The following CENPK variants were observed in gnomAD, a reference collection of about 807,000 sequenced individuals.
CENPK encodes the protein SoxLZ/Sox6-binding protein Solt.
A neutral mutation model predicts 40.9 loss-of-function variants in CENPK; 46 were observed. The observed-to-expected ratio is 1.13, with a 90% CI of 0.89 to 1.44. CENPK has a LOEUF of 1.44. Among genes scored for constraint, CENPK ranks in the 40% most tolerant of loss-of-function variants. The pLI is 0.00. For missense variants in CENPK, 288 were observed against 303.5 expected, an observed-to-expected ratio of 0.95 and a Z score of 0.38; for synonymous variants, 107 against 104.4, an observed-to-expected ratio of 1.02 and a Z score of -0.15.
chr5:65,512,823 G>A (rs1209142856), downstream of CENPK, among the ~76,000 whole-genome samples: 1 of 152,116 alleles, frequency 6.6e-6, no homozygotes, highest in African/African-American at 2.4e-5. Flanking sequence ...CTATGTTCCT[G>A]TTGCTCCACA....
At chr5:65,560,081 C>T (rs1477000092) in intron 2 of CENPK, among the ~76,000 whole-genome samples, 1 of 151,870 alleles carries the variant, frequency 6.6e-6, no homozygotes, top group African/African-American at 2.4e-5. Context: ...AACACAGAAA[C>T]TTTTAAAATC....
At chr5:65,547,748 C>T (rs1389998846) in intron 5 of CENPK, among the ~76,000 whole-genome samples, 1 of 152,008 alleles carries the variant, frequency 6.6e-6, no homozygotes, top group African/African-American at 2.4e-5. Context: ...CACAGCAAGC[C>T]CTGCCTCCTT....
chr5:65,519,801 T>C (rs1743388992), intron 10 of CENPK, among the ~76,000 whole-genome samples: 1 of 152,356 alleles, frequency 6.6e-6, no homozygotes, highest in Non-Finnish European at 1.5e-5. Flanking sequence ...TTGAGTATCA[T>C]AATATAGAAT....
Position 65,518,604 on chromosome 5 carries a change from T to G in CENPK, c.681A>C (p.Pro227=). The part of the protein sequence containing the change: ...EILINRLFDV[P]HDPYVKISDS... ...CACTAATTTTGACATATGGATCATG[T>G]GGAACATCAAATAATCTATTTATAA... The change falls in exon 11 of 11, where the codon CCA becomes CCC. Residue 227 remains proline (P), a synonymous_variant. Transcript: ENST00000396679. The G allele has an allele frequency of 1.3e-6, 2 of 1,591,408 alleles. No homozygotes were observed. The highest frequency in any genetic ancestry group is 1.7e-6 in the Non-Finnish European group (2 of 1,162,344).
chr5:65,499,070 G>A, the CENPK span, among the ~76,000 whole-genome samples: 3 of 151,202 alleles, frequency 2.0e-5, no homozygotes, highest in Admixed American at 6.6e-5. Context: ...TTATTGCCCA[G>A]GGTTATCTTG....
downstream of CENPK, among the ~76,000 whole-genome samples, chr5:65,515,204 A>AATTTTTTTTTTTTTTTTTTTTTTTTTTTT (rs35708852): frequency 1.6e-5 from 2 of 124,056 alleles, 1 homozygote; most frequent in African/African-American, 6.2e-5. Flanking sequence ...TCTCAAAAAA[A>AATTTTTTTTTTTTTTTTTTTTTTTTTTTT]TTTTTTTTTT....
At chr5:65,534,588 G>C (rs1283247022) in intron 6 of CENPK, among the ~76,000 whole-genome samples, 1 of 151,874 alleles carries the variant, frequency 6.6e-6, no homozygotes, top group Non-Finnish European at 1.5e-5. Flanking sequence ...ACATATACAT[G>C]GTCATTAATT....
At chr5:65,558,934 A>T (rs766231896) in intron 2 of CENPK, among the ~76,000 whole-genome samples, 3 of 152,224 alleles carry the variant, frequency 2.0e-5, no homozygotes, top group Non-Finnish European at 2.9e-5. Context: ...TCTTCAAGGA[A>T]TGAGGGTGAG....
chr5:65,548,320 C>A (rs754796763), intron 5 of CENPK, among the ~76,000 whole-genome samples: 5 of 152,078 alleles, frequency 3.3e-5, no homozygotes, highest in Non-Finnish European at 7.4e-5. Flanking sequence ...TTAAAAAAAA[C>A]CTTATTGCTA....
chr5:65,548,651 A>T (rs557458670), intron 5 of CENPK, among the ~76,000 whole-genome samples: 1 of 152,216 alleles, frequency 6.6e-6, no homozygotes, highest in Non-Finnish European at 1.5e-5. Flanking sequence ...TAATATTCTA[A>T]ATCTTTTGTT....
intron 6 of CENPK, among the ~76,000 whole-genome samples, chr5:65,532,016 T>C (rs1216057406): frequency 1.3e-5 from 2 of 152,092 alleles, no homozygotes; most frequent in Admixed American, 6.5e-5. Flanking sequence ...AGATTAATTA[T>C]GGGGTGGAGA....
chr5:65,529,930 GA>G (rs1354121411), intron 6 of CENPK: 1 of 152,438 alleles, frequency 6.6e-6, no homozygotes, highest in African/African-American at 2.4e-5. Context: ...TCAGCCTCCC[GA>G]GTAGCTGGGA....
the CENPK span, among the ~76,000 whole-genome samples, chr5:65,507,663 AT>A: frequency 6.6e-5 from 10 of 152,330 alleles, no homozygotes; most frequent in East Asian, 1.9e-3. Flanking sequence ...TATGTGTAAC[AT>A]TTTATAATAA....
chr5:65,508,125 A>T, the CENPK span, among the ~76,000 whole-genome samples: 1 of 152,224 alleles, frequency 6.6e-6, no homozygotes, highest in Admixed American at 6.5e-5. Flanking sequence ...TCTCCACTAT[A>T]AAGGTACTAT....
In CENPK at chr5:65,543,955, T is replaced by A. The variant is rs529674747; in HGVS notation, c.242-1107A>T. Reference sequence around the variant, plus strand: ...GAGTAGAAACAAATGTGTAATTTTGTATAGCAAATTTTAATGCGTTCAATC... The same window carrying A: ...GAGTAGAAACAAATGTGTAATTTTGAATAGCAAATTTTAATGCGTTCAATC... On this transcript the variant is annotated intron_variant, in intron 5 of 10. Transcript: ENST00000396679. Among the ~76,000 whole-genome samples, 5 of 152,356 alleles carry A rather than the reference T, an allele frequency of 3.3e-5. No homozygotes were observed. In the South Asian group the frequency reaches 8.3e-4, roughly 25 times the overall value.
chr5:65,517,410 C>T (rs1742944634), downstream of CENPK, among the ~76,000 whole-genome samples: 1 of 152,186 alleles, frequency 6.6e-6, no homozygotes, highest in African/African-American at 2.4e-5. Flanking sequence ...TCTTCAATAT[C>T]CAACTGCAGT....
downstream of CENPK, among the ~76,000 whole-genome samples, chr5:65,515,242 C>T (rs537055874): frequency 7.8e-5 from 10 of 127,984 alleles, no homozygotes; most frequent in South Asian, 2.6e-4. Context: ...CTTGCTCTGT[C>T]GCCCAAGCTG....
chr5:65,515,813 T>C (rs1049019259), downstream of CENPK, among the ~76,000 whole-genome samples: 1 of 152,186 alleles, frequency 6.6e-6, no homozygotes, highest in Non-Finnish European at 1.5e-5. Flanking sequence ...TTTTGATGAG[T>C]ATAGTTTCAT....
chr5:65,533,350 A>AAAAT (rs61642453), intron 6 of CENPK, among the ~76,000 whole-genome samples: 28 of 148,114 alleles, frequency 1.9e-4, no homozygotes, highest in South Asian at 4.3e-4. Context: ...ACCCTGTATC[A>AAAAT]AAATAAATAA....
Sources: allele counts gnomAD v4.1 joint callset (sites outside exome capture counted in the v4.1 genomes callset), GRCh38; gene constraint gnomAD v4.1.1; transcripts MANE v1.5; gene names NCBI Gene and HGNC (gene_info 2026-07-23, HGNC 2026-07-21).